The following CTNNA2 variants were observed in gnomAD, a reference collection of about 807,000 sequenced individuals.
The protein encoded by CTNNA2 is catenin alpha 2, also known as catenin alpha-2.
A neutral mutation model predicts 101.0 loss-of-function variants in CTNNA2; 42 were observed. The observed-to-expected ratio is 0.42, with a 90% CI of 0.32 to 0.54. The LOEUF (loss-of-function observed/expected upper bound fraction) is 0.54. Ranked by LOEUF, CTNNA2 falls within the 20% of genes least tolerant of loss-of-function variation. CTNNA2 has a pLI of 0.14. For missense variants in CTNNA2, 871 were observed against 1,223.1 expected, an observed-to-expected ratio of 0.71 and a Z score of 4.29; for synonymous variants, 450 against 456.4, an observed-to-expected ratio of 0.99 and a Z score of 0.18.
At chr2:80,645,358 T>C (rs1273562647) in intron 18 of CTNNA2, among the ~76,000 whole-genome samples, 1 of 152,094 alleles carries the variant, frequency 6.6e-6, no homozygotes, top group Non-Finnish European at 1.5e-5. Context: ...CACTTCTACC[T>C]GGGGGTAAGA....
intron 4 of CTNNA2, among the ~76,000 whole-genome samples, chr2:79,485,148 G>C (rs1009389105): frequency 6.6e-6 from 1 of 151,934 alleles, no homozygotes; most frequent in Non-Finnish European, 1.5e-5. Context: ...AGAATAATAT[G>C]CTTCTTTTTT....
At chr2:79,236,840 G>T (rs1172636923) in intron 2 of CTNNA2, among the ~76,000 whole-genome samples, 1 of 152,058 alleles carries the variant, frequency 6.6e-6, no homozygotes, top group Non-Finnish European at 1.5e-5. Context: ...ACATCTTCAG[G>T]CTCCATTTTT....
At chr2:79,471,564 T>C (rs654107) in intron 4 of CTNNA2, among the ~76,000 whole-genome samples, 98,799 of 152,006 alleles carry the variant, frequency 0.65, 33,108 homozygotes, top group African/African-American at 0.82. Flanking sequence ...ATCGGCCGGG[T>C]GCAGTGGCTC....
intron 7 of CTNNA2, among the ~76,000 whole-genome samples, chr2:80,228,706 T>G (rs962047130): frequency 6.6e-6 from 1 of 152,138 alleles, no homozygotes; most frequent in Admixed American, 6.6e-5. Context: ...GAAATAGTAG[T>G]GTTATTGTTC....
At chr2:79,728,073 AATCCTTTGGGT>A (rs1189447135) in intron 2 of CTNNA2, among the ~76,000 whole-genome samples, 11 of 152,258 alleles carry the variant, frequency 7.2e-5, no homozygotes, top group African/African-American at 2.6e-4. Context: ...CATGATTTGT[AATCCTTTGGGT>A]ATATACCCAG....
chr2:80,294,276 T>C (rs1281600811), intron 7 of CTNNA2, among the ~76,000 whole-genome samples: 1 of 152,172 alleles, frequency 6.6e-6, no homozygotes, highest in Non-Finnish European at 1.5e-5. Flanking sequence ...TAAAAACAAA[T>C]ATAAGAATAA....
At chr2:79,314,432 G>A (rs1307480847) in intron 3 of CTNNA2, among the ~76,000 whole-genome samples, 2 of 152,178 alleles carry the variant, frequency 1.3e-5, no homozygotes, top group South Asian at 2.1e-4. Flanking sequence ...GGAAGAATAT[G>A]CGTGGGCCTA....
chr2:79,185,947 C>T (rs1388081097), intron 1 of CTNNA2, among the ~76,000 whole-genome samples: 1 of 152,130 alleles, frequency 6.6e-6, no homozygotes, highest in African/African-American at 2.4e-5. Context: ...TTTTTTAAGA[C>T]AGCACACCAG....
intron 3 of CTNNA2, among the ~76,000 whole-genome samples, chr2:79,842,796 TATC>T (rs1184094161): frequency 6.6e-6 from 1 of 152,174 alleles, no homozygotes; most frequent in Non-Finnish European, 1.5e-5. Flanking sequence ...TTTTGCCTGG[TATC>T]TACTAAGTAC....
chr2:79,982,279 TATATATAAC>T (rs1181753548), intron 7 of CTNNA2, among the ~76,000 whole-genome samples: 52 of 116,496 alleles, frequency 4.5e-4, no homozygotes, highest in African/African-American at 1.2e-3. Context: ...ATATATATAA[TATATATAAC>T]ATATATAACA....
At chr2:79,295,463 G>T (rs10167813) in intron 2 of CTNNA2, among the ~76,000 whole-genome samples, 117,239 of 151,970 alleles carry the variant, frequency 0.77, 45,920 homozygotes, top group Non-Finnish European at 0.82. Flanking sequence ...ACAGAAATGG[G>T]ACTTTTCTCC....
chr2:79,843,930 A>G (rs1414187168), intron 3 of CTNNA2, among the ~76,000 whole-genome samples: 1 of 152,248 alleles, frequency 6.6e-6, no homozygotes. Flanking sequence ...GTAATGTCAT[A>G]CAGAGTAGAA....
chr2:80,459,352 TG>T (rs1281332964), intron 9 of CTNNA2, among the ~76,000 whole-genome samples: 1 of 152,144 alleles, frequency 6.6e-6, no homozygotes, highest in Non-Finnish European at 1.5e-5. Context: ...GAGGTGCTGA[TG>T]AGAGGACGTA....
At chr2:80,015,482 T>C (rs528418691) in intron 7 of CTNNA2, among the ~76,000 whole-genome samples, 5 of 152,100 alleles carry the variant, frequency 3.3e-5, no homozygotes, top group Non-Finnish European at 7.4e-5. Context: ...GTACTTACTG[T>C]CTCCAATTAC....
intron 1 of CTNNA2, among the ~76,000 whole-genome samples, chr2:79,606,755 C>T (rs1008135047): frequency 6.6e-6 from 1 of 152,072 alleles, no homozygotes; most frequent in African/African-American, 2.4e-5. Flanking sequence ...TAAAAACATA[C>T]TATAAATTTG....
chr2:79,451,493 C>CAT (rs1670747579), intron 4 of CTNNA2, among the ~76,000 whole-genome samples: 1 of 151,812 alleles, frequency 6.6e-6, no homozygotes, highest in Non-Finnish European at 1.5e-5. Context: ...CCCTCAGGAA[C>CAT]ATATGGTCAA....
intron 9 of CTNNA2, among the ~76,000 whole-genome samples, chr2:80,529,160 G>T (rs1299515659): frequency 6.6e-6 from 1 of 152,040 alleles, no homozygotes; most frequent in Non-Finnish European, 1.5e-5. Context: ...CATACTTTGG[G>T]GTCAGCCAAC....
At position 80,390,483 on chromosome 2, in the gene CTNNA2, G is replaced by A. The variant is rs564287267; in HGVS notation, c.1057-2728G>A. ...GCCAGAAGGGATACAGATCCCACAT[G>A]TTGCCCTTCTGCTCACAGAATGGGG... On this transcript the variant is annotated intron_variant, in intron 7 of 18. Coordinates refer to ENST00000402739, the MANE Select transcript of CTNNA2 (RefSeq NM_001282597.3). Among the ~76,000 whole-genome samples the A allele has an allele frequency of 1.6e-3, 237 of 152,274 alleles. 1 individual carries two copies. Among genetic ancestry groups the A allele is most frequent in the African/African-American group, 5.6e-3 (233 of 41,554 alleles).
intron 2 of CTNNA2, among the ~76,000 whole-genome samples, chr2:79,678,632 G>A (rs180776482): frequency 3.2e-4 from 48 of 152,042 alleles, no homozygotes; most frequent in African/African-American, 1.1e-3. Flanking sequence ...GTTCCAGGAA[G>A]CTAGTCTCCC....
Sources: allele counts gnomAD v4.1 joint callset (sites outside exome capture counted in the v4.1 genomes callset), GRCh38; gene constraint gnomAD v4.1.1; transcripts MANE v1.5; gene names NCBI Gene and HGNC (gene_info 2026-07-23, HGNC 2026-07-21).